FCAMR: variants seen among roughly 807,000 people sequenced by gnomAD.
FCAMR encodes the protein high affinity immunoglobulin alpha and immunoglobulin mu Fc receptor.
In FCAMR, 51 loss-of-function variants were observed where a neutral mutation model predicts 52.2. The ratio of observed to expected loss-of-function variants is 0.98; its 90% confidence interval spans 0.78 to 1.23. The LOEUF is 1.23. Ranked by LOEUF, FCAMR falls within the 50% of genes most tolerant of loss-of-function variation. The pLI is 0.00. For missense variants in FCAMR, 719 were observed against 712.6 expected (o/e 1.01, Z -0.10); for synonymous variants, 282 against 262.0 (o/e 1.08, Z -0.74).
intron 4 of FCAMR, 102 bp downstream of exon 4, chr1:206,965,613 A>G (rs756977893): frequency 9.6e-6 from 13 of 1,348,898 alleles, no homozygotes; most frequent in Non-Finnish European, 1.2e-5. Context: ...TTCCATTAGG[A>G]GAGGCTAGGG....
intron 4 of FCAMR, 42 bp from the exon 5 acceptor site, chr1:206,962,593 C>T: frequency 6.9e-7 from 1 of 1,458,140 alleles, no homozygotes; most frequent in East Asian, 2.4e-5. Flanking sequence ...AAGTGGTGAG[C>T]ATAGTCACTG....
chr1:206,960,185 G>A (rs41275384), intron 6 of FCAMR: 17 of 548,470 alleles, frequency 3.1e-5, no homozygotes, highest in Admixed American at 2.8e-4. Context: ...CCTAATGAAG[G>A]TTCCAGCCTA....
At chr1:206,968,158 T>C (rs758248573) in intron 1 of FCAMR, among the ~76,000 whole-genome samples, 1 of 152,106 alleles carries the variant, frequency 6.6e-6, no homozygotes, top group Non-Finnish European at 1.5e-5. Context: ...ACCAACATGG[T>C]GAAATCCCAT....
At chr1:206,970,566 A>T (rs1680897411), upstream of FCAMR, 1 of 153,764 alleles carries the variant, frequency 6.5e-6, no homozygotes, top group South Asian at 2.0e-4. Flanking sequence ...GGCAGGGAAA[A>T]TTCAAAATTC....
intron 4 of FCAMR, among the ~76,000 whole-genome samples, chr1:206,965,458 A>G (rs566297016): frequency 1.1e-4 from 17 of 152,226 alleles, no homozygotes; most frequent in Non-Finnish European, 2.2e-4. Context: ...ATTAACTACC[A>G]TAAGAATTCA....
At chr1:206,969,249 C>T (rs114235642) in intron 1 of FCAMR, 15 of 455,424 alleles carry the variant, frequency 3.3e-5, no homozygotes, top group Non-Finnish European at 4.9e-5. Context: ...CTGAAGTCAC[C>T]GGTGCAGCAA....
At position 206,962,334 on chromosome 1, in the gene FCAMR, C is replaced by T. The variant is rs1277729087; in HGVS notation, c.531G>A (p.Gln177=). 6.2e-7 allele frequency: 1 copy of T among 1,614,074 alleles called. No individual in the cohort carries two copies. Among genetic ancestry groups the T allele is most frequent in the African/African-American group, 1.3e-5 (1 of 74,918 alleles). Residue 177 remains glutamine (Q), a synonymous_variant, in exon 5 of 8, where the codon CAG becomes CAA. Transcript: ENST00000324852. ...ACAGCCTCACCACAAACAAGCCTCT[C>T]TGTGGAAAGTCTGTGAGGGCCACAC... ...RDRVALTDFP[Q]RGLFVVRLSQ...
chr1:206,960,465 C>T lies in FCAMR; in HGVS notation c.1411G>A (p.Val471Ile). The T allele has an allele frequency of 6.5e-7, 1 of 1,534,584 alleles. No homozygotes were observed. Among genetic ancestry groups the T allele is most frequent in the Non-Finnish European group, 8.8e-7 (1 of 1,138,618 alleles). Residue 471 changes from valine (V) to isoleucine (I), a missense_variant, in exon 6 of 8, where the codon GTA (valine) becomes ATA (isoleucine). Transcript: ENST00000324852. ...TTGCCAGGGGGTCCCCAGGGTCCTA[C>T]TGCCGGGGTCTGGCTCAGTGTTGCT... Reference protein sequence around the residue: ...PQATLSQTPAVGPWGPPGKES... With the variant: ...PQATLSQTPAIGPWGPPGKES...
At chr1:206,969,946 A>G in intron 1 of FCAMR, 141 bp downstream of exon 1, 4 of 932,730 alleles carry the variant, frequency 4.3e-6, no homozygotes, top group Non-Finnish European at 5.0e-6. Flanking sequence ...TCTGGACTCT[A>G]GAACCCTTAC....
intron 1 of FCAMR, among the ~76,000 whole-genome samples, chr1:206,969,820 G>C (rs997030389): frequency 1.3e-5 from 2 of 152,168 alleles, no homozygotes; most frequent in Non-Finnish European, 2.9e-5. Context: ...CATGTTCTCC[G>C]TGTTTCTTCT....
rs191497605 is a variant in FCAMR at position 206,962,144 on chromosome 1, C to T, written c.652+69G>A. ...TTCAAGCCCTTCTGGGTCTCTGAGGCTTCTCTCCCACTTTCTCCTTCCTAG... is the reference window on the plus strand; with the variant it reads ...TTCAAGCCCTTCTGGGTCTCTGAGGTTTCTCTCCCACTTTCTCCTTCCTAG... On this transcript the variant is annotated intron_variant, in intron 5 of 7. Transcript: ENST00000324852. 14 of 1,498,152 alleles carry T rather than the reference C, an allele frequency of 9.3e-6. No individual in the cohort carries two copies. In the Admixed American group the frequency reaches 1.8e-4, roughly 19 times the overall value. The allele number at this position is 1,498,152 out of a possible 1,614,324, so 92.8% of individuals were successfully genotyped here. A position where few individuals can be genotyped will look rare whatever the true frequency, so the allele number is the denominator to read the frequency against.
rs1242530017 is a variant in FCAMR, at chr1:206,967,664, G to A, written c.40-13C>T. On this transcript the variant is annotated splice_polypyrimidine_tract_variant and intron_variant, in intron 1 of 7. Transcript: ENST00000324852. ...TCCTCACCACTTCCTGTTTGCAGAA[G>A]GGGAATTGGTTTTTTCAAGGGAAGA... The A allele has an allele frequency of 6.2e-7, 1 of 1,613,722 alleles. No homozygotes were observed. The highest frequency in any genetic ancestry group is 8.5e-7 in the Non-Finnish European group (1 of 1,179,786).
chr1:206,965,368 A>G (rs1008672771), intron 4 of FCAMR, among the ~76,000 whole-genome samples: 2 of 152,210 alleles, frequency 1.3e-5, no homozygotes, highest in African/African-American at 4.8e-5. Flanking sequence ...TTAAGAACCA[A>G]TACCTTAAGG....
chr1:206,959,429 A>G (rs1435899116), intron 7 of FCAMR, among the ~76,000 whole-genome samples: 2 of 151,410 alleles, frequency 1.3e-5, no homozygotes, highest in African/African-American at 4.9e-5. Context: ...GTGAGCCAAG[A>G]TCACACCATT....
At chr1:206,962,898 ACACT>A (rs930410612) in intron 4 of FCAMR, among the ~76,000 whole-genome samples, 1 of 152,234 alleles carries the variant, frequency 6.6e-6, no homozygotes, top group Non-Finnish European at 1.5e-5. Context: ...GCAACATCTG[ACACT>A]CACTCACTCA....
At chr1:206,967,748 A>G in intron 1 of FCAMR, 97 bp from the exon 2 acceptor site, 6 of 1,124,384 alleles carry the variant, frequency 5.3e-6, no homozygotes, top group Non-Finnish European at 8.1e-6. Context: ...ATTAAATCTC[A>G]GACCAAGTAG....
At chr1:206,961,919 G>A (rs3929887) in intron 5 of FCAMR, among the ~76,000 whole-genome samples, 55,847 of 152,196 alleles carry the variant, frequency 0.37, 12,352 homozygotes, top group African/African-American at 0.62. Flanking sequence ...AAGAAGCCAC[G>A]TCATCCCATT....
chr1:206,963,588 C>T (rs555458056), intron 4 of FCAMR, among the ~76,000 whole-genome samples: 2 of 152,316 alleles, frequency 1.3e-5, no homozygotes, highest in African/African-American at 4.8e-5. Flanking sequence ...TTTGCCCAGT[C>T]AAAACCCTTT....
intron 4 of FCAMR, among the ~76,000 whole-genome samples, chr1:206,963,200 G>T (rs1267664604): frequency 6.6e-6 from 1 of 152,122 alleles, no homozygotes; most frequent in Non-Finnish European, 1.5e-5. Flanking sequence ...TGGACCAGTG[G>T]TTGCAAAATT....
Sources: gnomAD v4.1 joint callset for allele counts (sites outside exome capture counted in the v4.1 genomes callset) on GRCh38, gnomAD v4.1.1 for gene constraint, MANE v1.5 for transcripts, NCBI Gene and HGNC (gene_info 2026-07-23, HGNC 2026-07-21) for gene names.